The following LHFPL3 variants were observed in gnomAD, a reference collection of about 807,000 sequenced individuals.
LHFPL3 encodes the protein LHFPL tetraspan subfamily member 3.
A neutral mutation model predicts 19.3 loss-of-function variants in LHFPL3; 5 were observed. That is an observed-to-expected ratio of 0.26 (90% confidence interval 0.14 to 0.54). LHFPL3 has a LOEUF of 0.54. Ranked by LOEUF, LHFPL3 falls within the 20% of genes least tolerant of loss-of-function variation. The pLI is 0.94. For synonymous variants in LHFPL3, 133 were observed against 126.2 expected, an observed-to-expected ratio of 1.05 and a Z score of -0.36; for missense variants, 249 against 307.4, an observed-to-expected ratio of 0.81 and a Z score of 1.42.
intron 1 of LHFPL3, among the ~76,000 whole-genome samples, chr7:104,522,014 T>A (rs540786640): frequency 6.6e-6 from 1 of 152,172 alleles, no homozygotes; most frequent in Non-Finnish European, 1.5e-5. Flanking sequence ...AAATACCATT[T>A]GACCCAGCCA....
chr7:104,453,813 C>A (rs185050326), intron 1 of LHFPL3, among the ~76,000 whole-genome samples: 280 of 152,090 alleles, frequency 1.8e-3, no homozygotes, highest in African/African-American at 6.3e-3. Context: ...CTGCCTCCCC[C>A]CTGCCCCACT....
chr7:104,598,247 A>T (rs1790901379), intron 1 of LHFPL3, among the ~76,000 whole-genome samples: 1 of 152,230 alleles, frequency 6.6e-6, no homozygotes, highest in South Asian at 2.1e-4. Context: ...CGATTGGTTC[A>T]GTTCATACAA....
At chr7:104,649,442 A>G (rs958435570) in intron 1 of LHFPL3, among the ~76,000 whole-genome samples, 4 of 152,174 alleles carry the variant, frequency 2.6e-5, no homozygotes, top group African/African-American at 9.7e-5. Flanking sequence ...AAGGTATGGT[A>G]TGTACAAGAG....
chr7:104,801,113 A>G (rs1790237070), intron 2 of LHFPL3, among the ~76,000 whole-genome samples: 1 of 152,358 alleles, frequency 6.6e-6, no homozygotes, highest in African/African-American at 2.4e-5. Context: ...AGGTTCTAAG[A>G]ACAGCCATAG....
chr7:104,723,941 TCCTGGTG>T (rs1380886045), intron 1 of LHFPL3, among the ~76,000 whole-genome samples: 1 of 152,178 alleles, frequency 6.6e-6, no homozygotes, highest in East Asian at 1.9e-4. Flanking sequence ...TAATCTAATG[TCCTGGTG>T]CCTTGTATAC....
intron 1 of LHFPL3, among the ~76,000 whole-genome samples, chr7:104,575,945 A>G (rs1292390103): frequency 6.6e-6 from 1 of 152,098 alleles, no homozygotes; most frequent in African/African-American, 2.4e-5. Flanking sequence ...TGGCTAAGGA[A>G]TTTGTCTTGT....
At chr7:104,410,574 G>A (rs1327137600) in intron 1 of LHFPL3, among the ~76,000 whole-genome samples, 1 of 152,188 alleles carries the variant, frequency 6.6e-6, no homozygotes, top group African/African-American at 2.4e-5. Flanking sequence ...TGATTAAAGG[G>A]AGGAATAATC....
chr7:104,603,809 A>C (rs1369250205), intron 1 of LHFPL3, among the ~76,000 whole-genome samples: 1 of 152,228 alleles, frequency 6.6e-6, no homozygotes, highest in Non-Finnish European at 1.5e-5. Context: ...TTAAGTCTTA[A>C]AGTCCTTTGA....
At chr7:104,564,891 G>T (rs184188519) in intron 1 of LHFPL3, among the ~76,000 whole-genome samples, 80 of 152,334 alleles carry the variant, frequency 5.3e-4, no homozygotes, top group African/African-American at 1.8e-3. Context: ...CTTCCTCGCA[G>T]TGCTAGAGTA....
chr7:104,609,949 C>A (rs959208033), intron 1 of LHFPL3, among the ~76,000 whole-genome samples: 1 of 152,184 alleles, frequency 6.6e-6, no homozygotes, highest in African/African-American at 2.4e-5. Context: ...ACTATCAAAA[C>A]TACCAGAAAT....
intron 1 of LHFPL3, among the ~76,000 whole-genome samples, chr7:104,519,956 G>A (rs148887032): frequency 1.5e-4 from 23 of 152,162 alleles, no homozygotes; most frequent in Middle Eastern, 3.4e-3. Flanking sequence ...AAGTCTTGGT[G>A]AATGTTAAGT....
intron 2 of LHFPL3, among the ~76,000 whole-genome samples, chr7:104,886,530 A>C (rs992317280): frequency 6.6e-6 from 1 of 151,970 alleles, no homozygotes; most frequent in African/African-American, 2.4e-5. Context: ...ACACCTGGCT[A>C]ATTTTTGTAT....
intron 1 of LHFPL3, among the ~76,000 whole-genome samples, chr7:104,515,437 C>T (rs560040786): frequency 2.7e-4 from 41 of 152,090 alleles, no homozygotes; most frequent in Non-Finnish European, 5.3e-4. Flanking sequence ...AGAGCAGTGC[C>T]CCTGTTCAAA....
At chr7:104,688,079 G>A (rs762867843) in intron 1 of LHFPL3, among the ~76,000 whole-genome samples, 8 of 152,178 alleles carry the variant, frequency 5.3e-5, no homozygotes, top group Non-Finnish European at 1.0e-4. Context: ...AAATAAATGC[G>A]TTTGATACTC....
At chr7:104,740,155 C>T (rs1335224588) in intron 2 of LHFPL3, among the ~76,000 whole-genome samples, 1 of 152,170 alleles carries the variant, frequency 6.6e-6, no homozygotes, top group African/African-American at 2.4e-5. Context: ...GCTTCCCCTT[C>T]CACCATGATT....
At position 104,754,686 on chromosome 7, in the gene LHFPL3, G is replaced by A. The variant is rs775959862; in HGVS notation, c.682+17775G>A. Among the ~76,000 whole-genome samples the A allele has an allele frequency of 9.2e-5, 14 of 152,332 alleles. No individual in the cohort carries two copies. The South Asian group carries it at 1.7e-3, about 18-fold the overall frequency. ...AATTGCGAAAGAACCCTGGCCTCAT[G>A]ATGCAGATCAATAGTGGGAACAGAA... On this transcript the variant is annotated intron_variant, in intron 2 of 2. Transcript: ENST00000424859.
intron 1 of LHFPL3, among the ~76,000 whole-genome samples, chr7:104,337,595 T>C (rs1789854176): frequency 6.6e-6 from 1 of 152,168 alleles, no homozygotes. Context: ...AATAGGTCAT[T>C]GTAAAATTTG....
At chr7:104,760,783 A>G (rs1356159398) in intron 2 of LHFPL3, among the ~76,000 whole-genome samples, 1 of 152,192 alleles carries the variant, frequency 6.6e-6, no homozygotes, top group East Asian at 1.9e-4. Flanking sequence ...TGATTTATTA[A>G]GTGGCCTGAG....
At chr7:104,664,705 T>C (rs1030911752) in intron 1 of LHFPL3, among the ~76,000 whole-genome samples, 1 of 152,358 alleles carries the variant, frequency 6.6e-6, no homozygotes, top group Middle Eastern at 3.4e-3. Flanking sequence ...ACCCACAGTC[T>C]ACAGTTTGCT....
Sources: gnomAD v4.1 joint callset for allele counts (sites outside exome capture counted in the v4.1 genomes callset) on GRCh38, gnomAD v4.1.1 for gene constraint, MANE v1.5 for transcripts, NCBI Gene and HGNC (gene_info 2026-07-23, HGNC 2026-07-21) for gene names.